TXLNB: variants seen among roughly 807,000 people sequenced by gnomAD.
The protein encoded by TXLNB is taxilin beta, also known as beta-taxilin.
Under a neutral mutation model 57.4 loss-of-function variants are expected in TXLNB, and 37 were observed. The observed-to-expected ratio is 0.64, with a 90% CI of 0.50 to 0.85. The LOEUF (loss-of-function observed/expected upper bound fraction) is 0.85, where lower values mean the gene tolerates loss of function less well. Ranked by LOEUF, TXLNB falls within the 40% of genes least tolerant of loss-of-function variation. The probability of loss-of-function intolerance (pLI) is 0.00; values close to 1 mark genes in which losing one functional copy is unlikely to be tolerated. For synonymous variants in TXLNB, 302 were observed against 309.6 expected, an observed-to-expected ratio of 0.98 and a Z score of 0.26; for missense variants, 848 against 825.6, an observed-to-expected ratio of 1.03 and a Z score of -0.33.
the TXLNB span, among the ~76,000 whole-genome samples, chr6:139,221,432 G>A: frequency 6.6e-6 from 1 of 152,050 alleles, no homozygotes; most frequent in African/African-American, 2.4e-5. Flanking sequence ...ACTCTCTTCA[G>A]GAAGATAACA....
the TXLNB span, among the ~76,000 whole-genome samples, chr6:139,185,283 A>C: frequency 4.5e-4 from 69 of 152,328 alleles, no homozygotes; most frequent in African/African-American, 1.7e-3. Flanking sequence ...AGTTACTGCA[A>C]TCTTGGTTAT....
At chr6:139,246,172 AT>A (rs1376980371) in intron 8 of TXLNB, among the ~76,000 whole-genome samples, 2 of 152,182 alleles carry the variant, frequency 1.3e-5, no homozygotes, top group African/African-American at 4.8e-5. Flanking sequence ...CTGATTTAAT[AT>A]TTATTCCACT....
At chr6:139,211,571 G>T in the TXLNB span, among the ~76,000 whole-genome samples, 2 of 152,156 alleles carry the variant, frequency 1.3e-5, no homozygotes, top group African/African-American at 2.4e-5. Flanking sequence ...AAATCAGAGC[G>T]CCTCTCCTCC....
chr6:139,254,639 TC>T (rs1167755587), intron 7 of TXLNB, among the ~76,000 whole-genome samples: 3 of 151,868 alleles, frequency 2.0e-5, no homozygotes, highest in African/African-American at 7.2e-5. Flanking sequence ...TCCAGAATGG[TC>T]CCCCCTTTTT....
the TXLNB span, chr6:139,179,692 T>C: frequency 6.6e-6 from 1 of 152,234 alleles, no homozygotes; most frequent in Non-Finnish European, 1.5e-5. Flanking sequence ...AATCTTATTT[T>C]GGAAATCTAC....
At chr6:139,173,744 A>T in the TXLNB span, among the ~76,000 whole-genome samples, 58 of 152,338 alleles carry the variant, frequency 3.8e-4, no homozygotes, top group African/African-American at 1.3e-3. Flanking sequence ...TTATCAAATA[A>T]TGGAGGGGGA....
At chr6:139,185,135 G>A in the TXLNB span, among the ~76,000 whole-genome samples, 2 of 152,096 alleles carry the variant, frequency 1.3e-5, no homozygotes, top group Non-Finnish European at 2.9e-5. Context: ...TCTGAAAAGA[G>A]AATGATTTGG....
the TXLNB span, among the ~76,000 whole-genome samples, chr6:139,202,854 T>A: frequency 3.3e-5 from 5 of 152,268 alleles, no homozygotes; most frequent in Admixed American, 3.3e-4. Context: ...CTCCCTATCA[T>A]CCCTCCCTGC....
the TXLNB span, among the ~76,000 whole-genome samples, chr6:139,181,051 T>TCG: frequency 2.0e-5 from 3 of 152,230 alleles, no homozygotes; most frequent in Non-Finnish European, 4.4e-5. Context: ...TCTATACGAA[T>TCG]AGTCCAAAAT....
Position 139,288,754 on chromosome 6 carries a change from G to C in TXLNB, c.146C>G (p.Ala49Gly). 1 of 1,614,212 alleles carries C rather than the reference G, an allele frequency of 6.2e-7. No individual in the cohort carries two copies. Among genetic ancestry groups the C allele is most frequent in the Non-Finnish European group, 8.5e-7 (1 of 1,180,042 alleles). The change falls in exon 2 of 10, where the codon GCA becomes GGA. Residue 49 changes from alanine (A) to glycine (G), a missense_variant. Transcript: ENST00000358430. ...TTCAGAGATATCGGGGTGCACACTT[G>C]CCTCTTTCTCTGGTGGTTGGACTGG... ...PTPVQPPEKE[A>G]SVHPDISEEL...
At chr6:139,194,669 C>T in the TXLNB span, among the ~76,000 whole-genome samples, 54 of 152,180 alleles carry the variant, frequency 3.5e-4, no homozygotes, top group Non-Finnish European at 6.5e-4. Context: ...TCCAGTTGAT[C>T]CATCTGCTTC....
intron 2 of TXLNB, among the ~76,000 whole-genome samples, chr6:139,278,456 A>C (rs1028851684): frequency 2.0e-5 from 3 of 152,188 alleles, no homozygotes; most frequent in Non-Finnish European, 4.4e-5. Context: ...TTTGCAGCTG[A>C]TAATCACTGA....
At chr6:139,163,601 G>A in the TXLNB span, among the ~76,000 whole-genome samples, 4 of 152,180 alleles carry the variant, frequency 2.6e-5, no homozygotes, top group South Asian at 2.1e-4. Flanking sequence ...TGATCCACCC[G>A]CCACGGCCTT....
chr6:139,189,847 T>C, the TXLNB span, among the ~76,000 whole-genome samples: 28 of 152,344 alleles, frequency 1.8e-4, 1 homozygote, highest in African/African-American at 6.7e-4. Context: ...TGTTGTACTA[T>C]GGAAGTCACG....
At chr6:139,305,115 C>A in the TXLNB span, among the ~76,000 whole-genome samples, 1 of 152,042 alleles carries the variant, frequency 6.6e-6, no homozygotes, top group Admixed American at 6.6e-5. Context: ...TTTGAATTAC[C>A]TTTTCCACTC....
Position 139,242,066 on chromosome 6 carries a change from GTATGTATATATTATGTA to G in TXLNB, c.*443_*459del, listed in dbSNP as rs1775948021. Reference sequence around the variant, plus strand: ...ATATATACATATAATAAGTACACACGTATGTATATATTATGTATATGTATAGTTTAAATGTAACCTGG... The same window carrying G: ...ATATATACATATAATAAGTACACACGTATGTATAGTTTAAATGTAACCTGG... On this transcript the variant is annotated 3_prime_UTR_variant, in exon 10 of 10. Transcript: ENST00000358430. 6.6e-6 allele frequency: 1 copy of G among 152,414 alleles called. No individual in the cohort carries two copies. The highest frequency in any genetic ancestry group is 2.1e-4 in the South Asian group (1 of 4,832). 9.4% of individuals were successfully genotyped at this position (152,414 alleles called of 1,614,324 possible).
chr6:139,244,302 C>A (rs905503569), intron 9 of TXLNB, among the ~76,000 whole-genome samples: 2 of 152,144 alleles, frequency 1.3e-5, no homozygotes, highest in Non-Finnish European at 2.9e-5. Context: ...CTCATCCTAC[C>A]TTTAAGGAAT....
the TXLNB span, among the ~76,000 whole-genome samples, chr6:139,226,318 A>G: frequency 2.1e-5 from 2 of 93,360 alleles, no homozygotes; most frequent in Non-Finnish European, 4.9e-5. Flanking sequence ...AAAAAAAAAA[A>G]AAAAAAAAAG....
the TXLNB span, among the ~76,000 whole-genome samples, chr6:139,185,925 A>G: frequency 6.6e-6 from 1 of 152,122 alleles, no homozygotes; most frequent in East Asian, 1.9e-4. Flanking sequence ...TTTCTTAACC[A>G]TCAGGATATA....
Sources: allele counts gnomAD v4.1 joint callset (sites outside exome capture counted in the v4.1 genomes callset), GRCh38; gene constraint gnomAD v4.1.1; transcripts MANE v1.5; gene names NCBI Gene and HGNC (gene_info 2026-07-23, HGNC 2026-07-21).